The following ARNT2 variants were observed in gnomAD, a reference collection of about 807,000 sequenced individuals.
ARNT2 encodes ARNT protein 2.
A neutral mutation model predicts 91.7 loss-of-function variants in ARNT2; 36 were observed. The observed-to-expected ratio is 0.39, with a 90% confidence interval of 0.30 to 0.52. ARNT2 has a LOEUF of 0.52. Among genes scored for constraint, ARNT2 ranks in the 20% least tolerant of loss-of-function variants. The probability of loss-of-function intolerance (pLI) is 0.72; values close to 1 mark genes in which losing one functional copy is unlikely to be tolerated. For synonymous variants in ARNT2, 365 were observed against 347.1 expected (o/e 1.05, Z -0.57); for missense variants, 775 against 939.3 (o/e 0.83, Z 2.29).
chr15:80,484,834 G>C (rs997888521), intron 5 of ARNT2, among the ~76,000 whole-genome samples: 12 of 152,206 alleles, frequency 7.9e-5, no homozygotes, highest in Non-Finnish European at 2.9e-5. Flanking sequence ...GCATAGGGGT[G>C]TAGGGAGGCA....
intron 1 of ARNT2, among the ~76,000 whole-genome samples, chr15:80,440,244 G>C (rs2141577103): frequency 1.3e-5 from 2 of 152,306 alleles, no homozygotes; most frequent in South Asian, 4.1e-4. Context: ...CAAGTCATGG[G>C]TGGATGTCTC....
At chr15:80,481,084 A>G (rs995090511) in intron 5 of ARNT2, among the ~76,000 whole-genome samples, 1 of 151,250 alleles carries the variant, frequency 6.6e-6, no homozygotes, top group Non-Finnish European at 1.5e-5. Flanking sequence ...TCCCCAAGGG[A>G]TCTGGCTGGA....
chr15:80,445,700 C>T (rs549595060), intron 1 of ARNT2, among the ~76,000 whole-genome samples: 1 of 152,064 alleles, frequency 6.6e-6, no homozygotes, highest in South Asian at 2.1e-4. Context: ...CTCCTGAGAT[C>T]CGGGTGGGCC....
At chr15:80,423,806 C>T (rs900189674) in intron 1 of ARNT2, among the ~76,000 whole-genome samples, 1 of 133,926 alleles carries the variant, frequency 7.5e-6, no homozygotes, top group Non-Finnish European at 1.7e-5. Context: ...GAGAGTCATA[C>T]TATATTGGTC....
chr15:80,590,239 G>A (rs975211557), intron 17 of ARNT2, among the ~76,000 whole-genome samples: 1 of 152,134 alleles, frequency 6.6e-6, no homozygotes, highest in Non-Finnish European at 1.5e-5. Flanking sequence ...GCCACCCAGA[G>A]CTTGACAGAG....
intron 3 of ARNT2, among the ~76,000 whole-genome samples, chr15:80,464,383 G>A (rs1420827082): frequency 1.3e-5 from 2 of 152,300 alleles, no homozygotes; most frequent in East Asian, 1.9e-4. Context: ...GAAGCTGTAA[G>A]TTGCTATAGA....
intron 3 of ARNT2, among the ~76,000 whole-genome samples, chr15:80,458,537 T>G (rs777341771): frequency 6.6e-6 from 1 of 152,142 alleles, no homozygotes; most frequent in African/African-American, 2.4e-5. Context: ...GACAGCATCT[T>G]TATCTGGGCT....
intron 17 of ARNT2, among the ~76,000 whole-genome samples, chr15:80,583,802 A>G (rs1898842056): frequency 6.6e-6 from 1 of 152,306 alleles, no homozygotes; most frequent in Admixed American, 6.5e-5. Flanking sequence ...GTTCCCATCC[A>G]CTACTCTGTA....
chr15:80,544,933 C>G (rs186980789), intron 8 of ARNT2, among the ~76,000 whole-genome samples: 7 of 152,188 alleles, frequency 4.6e-5, no homozygotes, highest in Admixed American at 6.5e-5. Flanking sequence ...GACCAGCAGG[C>G]GAAATCTTCA....
chr15:80,504,778 A>T (rs974619369), intron 5 of ARNT2, among the ~76,000 whole-genome samples: 7 of 114,614 alleles, frequency 6.1e-5, no homozygotes, highest in Admixed American at 5.4e-4. Context: ...AAAGAAAAAA[A>T]AAAAAATGGA....
At chr15:80,528,300 T>C (rs1897672256) in intron 8 of ARNT2, among the ~76,000 whole-genome samples, 1 of 152,214 alleles carries the variant, frequency 6.6e-6, no homozygotes, top group Non-Finnish European at 1.5e-5. Flanking sequence ...TCCTTCACTC[T>C]GCCAATGGAG....
chr15:80,591,544 T>C lies in ARNT2; in HGVS notation c.1919-24T>C, dbSNP rs370613005. On this transcript the variant is annotated intron_variant, in intron 17 of 18. Transcript: ENST00000303329. The surrounding 1 kb of genome is among the most constrained non-coding windows in gnomAD (Gnocchi z 5.1). ...ACCACGGGATGGCTTTTAAAGGAAG[T>C]GTCCTGTGTGTCGAATCTTTCAGCT... 40 of 1,613,648 alleles carry C rather than the reference T, an allele frequency of 2.5e-5. No homozygotes were observed. Among genetic ancestry groups the C allele is most frequent in the Non-Finnish European group, 7.6e-6 (9 of 1,179,800 alleles).
intron 17 of ARNT2, among the ~76,000 whole-genome samples, chr15:80,589,766 C>T (rs1201562749): frequency 1.3e-5 from 2 of 152,162 alleles, no homozygotes; most frequent in Non-Finnish European, 2.9e-5. Flanking sequence ...TGAGGCCAGT[C>T]GACACGATTC....
At chr15:80,588,577 T>C (rs1452083190) in intron 17 of ARNT2, among the ~76,000 whole-genome samples, 1 of 152,176 alleles carries the variant, frequency 6.6e-6, no homozygotes, top group Non-Finnish European at 1.5e-5. Context: ...TTATCTCTTA[T>C]GACTTGCCTG....
chr15:80,507,172 A>C (rs897965277), intron 5 of ARNT2, among the ~76,000 whole-genome samples: 8 of 152,312 alleles, frequency 5.3e-5, no homozygotes, highest in African/African-American at 1.7e-4. Flanking sequence ...ATGGTGTTTA[A>C]ATACTGGAGG....
rs148159592 is a variant in ARNT2 at position 80,504,119 on chromosome 15, G to A, written c.623-4037G>A. 5.1e-4 allele frequency among the ~76,000 whole-genome samples: 78 copies of A among 152,312 alleles called. No individual in the cohort carries two copies. In the South Asian group the frequency reaches 6.8e-3, roughly 13 times the overall value. On this transcript the variant is annotated intron_variant, in intron 5 of 18. Coordinates refer to ENST00000303329, the MANE Select transcript of ARNT2 (RefSeq NM_014862.4). The stretch of plus-strand genomic sequence containing the variant: ...CTTCCTCCATTTGGAGCAGTGGGAC[G>A]CAGGCTTGGGGAGGGTGACTTCTTC...
chr15:80,481,632 G>A (rs1408284121), intron 5 of ARNT2, among the ~76,000 whole-genome samples: 9 of 152,192 alleles, frequency 5.9e-5, no homozygotes, highest in Non-Finnish European at 1.3e-4. Flanking sequence ...AGGATCGCTT[G>A]AGCCCAAGAG....
chr15:80,521,841 T>C (rs922053363), intron 8 of ARNT2, among the ~76,000 whole-genome samples: 31 of 152,156 alleles, frequency 2.0e-4, no homozygotes, highest in Admixed American at 1.8e-3. Context: ...TAATGGATTC[T>C]GGTAGTAACA....
At chr15:80,543,178 ACTGGGG>A in intron 8 of ARNT2, among the ~76,000 whole-genome samples, 1 of 151,728 alleles carries the variant, frequency 6.6e-6, no homozygotes, top group Admixed American at 6.6e-5. Flanking sequence ...TTTACCAGCA[ACTGGGG>A]AAGCAGGTCA....
Sources: allele counts gnomAD v4.1 joint callset (sites outside exome capture counted in the v4.1 genomes callset), GRCh38; gene constraint gnomAD v4.1.1; non-coding constraint Gnocchi (gnomAD v3.1); transcripts MANE v1.5; gene names NCBI Gene and HGNC (gene_info 2026-07-23, HGNC 2026-07-21).